ZNF407: variants seen among roughly 807,000 people sequenced by gnomAD.
The protein encoded by ZNF407 is zinc finger protein 407.
In ZNF407, 17 loss-of-function variants were observed where a neutral mutation model predicts 131.2. The ratio of observed to expected loss-of-function variants is 0.13; its 90% CI spans 0.09 to 0.19. The LOEUF (loss-of-function observed/expected upper bound fraction) is 0.19, where lower values mean the gene tolerates loss of function less well. Ranked by LOEUF, ZNF407 falls within the 10% of genes least tolerant of loss-of-function variation. ZNF407 has a pLI of 1.00. For synonymous variants in ZNF407, 1,156 were observed against 1,062.0 expected, an observed-to-expected ratio of 1.09 and a Z score of -1.72; for missense variants, 2,681 against 2,830.6, an observed-to-expected ratio of 0.95 and a Z score of 1.20.
intron 1 of ZNF407, among the ~76,000 whole-genome samples, chr18:74,605,460 G>T (rs1175295452): frequency 6.6e-6 from 1 of 152,136 alleles, no homozygotes; most frequent in African/African-American, 2.4e-5. Context: ...CCCTCACTCT[G>T]TTATAGCTGT....
chr18:75,017,983 A>G (rs1202633331), intron 8 of ZNF407, among the ~76,000 whole-genome samples: 1 of 152,188 alleles, frequency 6.6e-6, no homozygotes, highest in Admixed American at 6.5e-5. Context: ...ATTCAAAAAG[A>G]AAATATTCTT....
chr18:74,819,433 T>C (rs914454606), intron 4 of ZNF407, among the ~76,000 whole-genome samples: 1 of 152,084 alleles, frequency 6.6e-6, no homozygotes, highest in African/African-American at 2.4e-5. Flanking sequence ...AGTTTAACAG[T>C]GTGACTTTGA....
chr18:74,943,926 A>G (rs956108345), intron 8 of ZNF407, among the ~76,000 whole-genome samples: 21 of 152,164 alleles, frequency 1.4e-4, no homozygotes, highest in African/African-American at 4.3e-4. Context: ...AATTTCTACA[A>G]ATTATGCTAG....
chr18:74,642,241 A>G (rs1984756661), intron 3 of ZNF407, among the ~76,000 whole-genome samples: 1 of 152,144 alleles, frequency 6.6e-6, no homozygotes, highest in Non-Finnish European at 1.5e-5. Context: ...AAGTAGATGA[A>G]GATGACCCTT....
chr18:74,742,128 T>C (rs1212981877), intron 3 of ZNF407, among the ~76,000 whole-genome samples: 2 of 152,310 alleles, frequency 1.3e-5, no homozygotes, highest in East Asian at 3.9e-4. Context: ...TTCTTTACCC[T>C]CCTACTCTCT....
intron 1 of ZNF407, among the ~76,000 whole-genome samples, chr18:74,608,712 T>C (rs1982920690): frequency 6.6e-6 from 1 of 152,216 alleles, no homozygotes; most frequent in Non-Finnish European, 1.5e-5. Flanking sequence ...CCAGTTATTT[T>C]GTAGAATGTC....
At chr18:74,620,133 T>C (rs1271283983) in intron 1 of ZNF407, among the ~76,000 whole-genome samples, 1 of 152,224 alleles carries the variant, frequency 6.6e-6, no homozygotes, top group Non-Finnish European at 1.5e-5. Flanking sequence ...TATGTAAATA[T>C]CTCTGACTAC....
chr18:75,013,492 GAAA>G (rs894967378), intron 8 of ZNF407, among the ~76,000 whole-genome samples: 2 of 152,068 alleles, frequency 1.3e-5, no homozygotes, highest in Admixed American at 1.3e-4. Flanking sequence ...GTCTAAGAGA[GAAA>G]AAACATGTGG....
At chr18:74,625,969 C>A (rs1250683185) in intron 1 of ZNF407, among the ~76,000 whole-genome samples, 1 of 152,136 alleles carries the variant, frequency 6.6e-6, no homozygotes, top group Non-Finnish European at 1.5e-5. Flanking sequence ...GAATTTAAAA[C>A]TTCTGTTTAT....
Position 74,827,577 on chromosome 18 carries a change from T to A in ZNF407, c.4877+46075T>A, listed in dbSNP as rs1334341885. On this transcript the variant is annotated intron_variant, in intron 4 of 8. Transcript: ENST00000299687. ...GTGTCTCCATTATTCTTGAAGCACT[T>A]CTTTCTTTGCTGAAATCATAGGCCT... Among the ~76,000 whole-genome samples the A allele has an allele frequency of 7.2e-5, 11 of 152,188 alleles. 1 individual carries two copies. The highest frequency in any genetic ancestry group is 1.5e-5 in the Non-Finnish European group (1 of 68,020).
chr18:74,631,352 A>G lies in ZNF407; in HGVS notation c.333A>G (p.Thr111=), dbSNP rs754384677. ...AAGGGGGTATTGCATTAGATGAAAC[A>G]GGGAAGGAGACCTTTCTGAGTGACT... ...VTEGGIALDE[T]GKETFLSDCT... The change falls in exon 2 of 9, where the codon ACA becomes ACG. Residue 111 remains threonine (T), a synonymous_variant. Coordinates refer to ENST00000299687, the MANE Select transcript of ZNF407 (RefSeq NM_017757.3). 1 of 1,614,060 alleles carries G rather than the reference A, an allele frequency of 6.2e-7. No homozygotes were observed. The highest frequency in any genetic ancestry group is 2.2e-5 in the East Asian group (1 of 44,890).
intron 3 of ZNF407, among the ~76,000 whole-genome samples, chr18:74,724,906 A>G (rs953624131): frequency 6.6e-6 from 1 of 152,232 alleles, no homozygotes; most frequent in Non-Finnish European, 1.5e-5. Flanking sequence ...TTGTTATTAC[A>G]CACAATTAAA....
intron 8 of ZNF407, among the ~76,000 whole-genome samples, chr18:75,023,691 G>A (rs527334649): frequency 6.6e-6 from 1 of 152,222 alleles, no homozygotes; most frequent in East Asian, 1.9e-4. Flanking sequence ...AATTATAGTT[G>A]TGAATCGTCA....
intron 3 of ZNF407, among the ~76,000 whole-genome samples, chr18:74,766,956 G>A (rs1197271062): frequency 1.3e-5 from 2 of 151,988 alleles, no homozygotes; most frequent in Non-Finnish European, 2.9e-5. Context: ...CTGTCACTCA[G>A]GCTGGAGTGC....
chr18:74,919,574 G>A (rs1971818700), intron 7 of ZNF407, among the ~76,000 whole-genome samples: 1 of 152,182 alleles, frequency 6.6e-6, no homozygotes, highest in African/African-American at 2.4e-5. Flanking sequence ...ATTTTGGTCT[G>A]TAGGAAGTCT....
intron 3 of ZNF407, among the ~76,000 whole-genome samples, chr18:74,699,615 GT>G (rs1176895553): frequency 6.6e-6 from 1 of 152,130 alleles, no homozygotes; most frequent in Non-Finnish European, 1.5e-5. Flanking sequence ...ACTCCAGTGA[GT>G]ATTTTACAAG....
chr18:74,858,278 T>C (rs1011095286), intron 4 of ZNF407, among the ~76,000 whole-genome samples: 3 of 152,040 alleles, frequency 2.0e-5, no homozygotes, highest in African/African-American at 7.2e-5. Flanking sequence ...TTTTTTATTT[T>C]AAATATATTT....
At chr18:74,861,444 A>G (rs1970936267) in intron 4 of ZNF407, among the ~76,000 whole-genome samples, 1 of 152,248 alleles carries the variant, frequency 6.6e-6, no homozygotes, top group Non-Finnish European at 1.5e-5. Context: ...CAGAAGGCCC[A>G]GATAAGGCTA....
At chr18:74,673,903 T>A (rs1191978105) in intron 3 of ZNF407, among the ~76,000 whole-genome samples, 1 of 152,188 alleles carries the variant, frequency 6.6e-6, no homozygotes, top group African/African-American at 2.4e-5. Context: ...TATTTACATA[T>A]ATCATCAAAG....
Sources: gnomAD v4.1 joint callset for allele counts (sites outside exome capture counted in the v4.1 genomes callset) on GRCh38, gnomAD v4.1.1 for gene constraint, MANE v1.5 for transcripts, NCBI Gene and HGNC (gene_info 2026-07-23, HGNC 2026-07-21) for gene names.